The following NTN1 variants were observed in gnomAD, a reference collection of about 807,000 sequenced individuals.
The protein encoded by NTN1 is netrin-1.
In NTN1, 11 loss-of-function variants were observed where a neutral mutation model predicts 54.2. The ratio of observed to expected loss-of-function variants is 0.20; its 90% CI spans 0.13 to 0.34. The LOEUF is 0.34. NTN1 is among the 10% of genes least tolerant of loss of function. The probability of loss-of-function intolerance (pLI) is 1.00; values close to 1 mark genes in which losing one functional copy is unlikely to be tolerated. For synonymous variants in NTN1, 371 were observed against 382.0 expected (o/e 0.97, Z 0.33); for missense variants, 740 against 893.1 (o/e 0.83, Z 2.18).
intron 2 of NTN1, among the ~76,000 whole-genome samples, chr17:9,058,199 A>G (rs1386528098): frequency 6.6e-6 from 1 of 152,060 alleles, no homozygotes; most frequent in African/African-American, 2.4e-5. Flanking sequence ...CTATTTATTT[A>G]TTTTTTATTT....
At chr17:9,090,207 C>T (rs1243623660) in intron 2 of NTN1, among the ~76,000 whole-genome samples, 11 of 149,092 alleles carry the variant, frequency 7.4e-5, no homozygotes, top group Admixed American at 2.0e-4. Context: ...GATGGAGTCT[C>T]ACTCTGTCAC....
intron 2 of NTN1, among the ~76,000 whole-genome samples, chr17:9,156,709 A>G (rs16957962): frequency 0.32 from 49,270 of 152,096 alleles, 8,207 homozygotes; most frequent in East Asian, 0.48. Flanking sequence ...TTCTCTCTAA[A>G]GCACAGCAGT....
chr17:9,081,912 G>T (rs952969560), intron 2 of NTN1, among the ~76,000 whole-genome samples: 5 of 152,168 alleles, frequency 3.3e-5, no homozygotes, highest in African/African-American at 1.2e-4. Flanking sequence ...TTGCTGCAGG[G>T]CCAAGACGTT....
rs908600672 is a variant in NTN1 at position 9,243,805 on chromosome 17, A to C, written c.*3837A>C. ...TTGGGTCAATGTCCCTTTCCAATGCATACTAATATATTATGGTTATTATAT... is the reference window on the plus strand; with the variant it reads ...TTGGGTCAATGTCCCTTTCCAATGCCTACTAATATATTATGGTTATTATAT... On this transcript the variant is annotated 3_prime_UTR_variant, in exon 7 of 7. Coordinates refer to ENST00000173229, the MANE Select transcript of NTN1 (RefSeq NM_004822.3). The C allele has an allele frequency of 1.3e-5, 2 of 150,080 alleles. No individual in the cohort carries two copies. Among genetic ancestry groups the C allele is most frequent in the Non-Finnish European group, 3.0e-5 (2 of 67,790 alleles). 9.3% of individuals were successfully genotyped at this position (150,080 alleles called of 1,614,324 possible).
intron 2 of NTN1, among the ~76,000 whole-genome samples, chr17:9,029,865 G>T (rs2039320389): frequency 6.6e-6 from 1 of 152,052 alleles, no homozygotes; most frequent in Non-Finnish European, 1.5e-5. Context: ...GGTGGCGTGT[G>T]CCTGTAATCC....
At chr17:9,160,847 C>T (rs988302900) in intron 2 of NTN1, among the ~76,000 whole-genome samples, 1 of 152,048 alleles carries the variant, frequency 6.6e-6, no homozygotes, top group Non-Finnish European at 1.5e-5. Flanking sequence ...GTCCCAGCTA[C>T]TTGGGAGGCT....
chr17:9,123,122 C>T (rs1335625802), intron 2 of NTN1, among the ~76,000 whole-genome samples: 2 of 152,212 alleles, frequency 1.3e-5, no homozygotes, highest in Middle Eastern at 3.4e-3. Context: ...GCGTTTGTAT[C>T]TTGCTCTCCC....
At chr17:9,103,084 C>G (rs1199633400) in intron 2 of NTN1, among the ~76,000 whole-genome samples, 2 of 152,118 alleles carry the variant, frequency 1.3e-5, no homozygotes, top group Non-Finnish European at 2.9e-5. Context: ...CGTGAAAATT[C>G]CATGAGCAGT....
At chr17:9,127,591 C>T (rs577163723) in intron 2 of NTN1, among the ~76,000 whole-genome samples, 21 of 152,182 alleles carry the variant, frequency 1.4e-4, no homozygotes, top group African/African-American at 5.1e-4. Context: ...CCCCTGGACA[C>T]ACTCGGTGTC....
Position 9,124,801 on chromosome 17 carries a change from C to T in NTN1, c.1019-38012C>T, listed in dbSNP as rs1597496533. Among the ~76,000 whole-genome samples the T allele has an allele frequency of 2.0e-5, 3 of 152,274 alleles. No homozygotes were observed. The East Asian group carries it at 5.8e-4, about 29-fold the overall frequency. ...CTCCCAAAACCCTGGGACATGACGGCATCGGTTTACACCCCGATCTGCCTC... is the reference window on the plus strand; with the variant it reads ...CTCCCAAAACCCTGGGACATGACGGTATCGGTTTACACCCCGATCTGCCTC... On this transcript the variant is annotated intron_variant, in intron 2 of 6. Coordinates refer to ENST00000173229, the MANE Select transcript of NTN1 (RefSeq NM_004822.3).
intron 5 of NTN1, among the ~76,000 whole-genome samples, chr17:9,184,912 C>CT (rs1293840019): frequency 3.9e-5 from 6 of 152,204 alleles, no homozygotes; most frequent in Non-Finnish European, 5.9e-5. Flanking sequence ...TGGCAGCCTC[C>CT]TTTTTTGAAA....
chr17:9,089,783 A>T (rs545152242), intron 2 of NTN1, among the ~76,000 whole-genome samples: 1 of 152,252 alleles, frequency 6.6e-6, no homozygotes, highest in African/African-American at 2.4e-5. Flanking sequence ...CTTGCCTGTG[A>T]TCATCTTTTT....
At chr17:9,037,173 T>C (rs994159344) in intron 2 of NTN1, among the ~76,000 whole-genome samples, 9 of 152,228 alleles carry the variant, frequency 5.9e-5, no homozygotes, top group African/African-American at 1.9e-4. Context: ...TAGATTTAAT[T>C]TGCCTATTTT....
intron 5 of NTN1, among the ~76,000 whole-genome samples, chr17:9,195,885 T>G (rs1035114340): frequency 1.3e-5 from 2 of 152,032 alleles, no homozygotes; most frequent in African/African-American, 4.8e-5. Context: ...CTTAAAGAAA[T>G]AATAACAACC....
intron 2 of NTN1, among the ~76,000 whole-genome samples, chr17:9,037,948 C>G (rs963195359): frequency 6.6e-6 from 1 of 152,132 alleles, no homozygotes. Flanking sequence ...GTGGTCTGGC[C>G]CCTGCTTCCT....
At chr17:9,091,207 T>C (rs1463992407) in intron 2 of NTN1, among the ~76,000 whole-genome samples, 1 of 152,226 alleles carries the variant, frequency 6.6e-6, no homozygotes, top group African/African-American at 2.4e-5. Flanking sequence ...TTTATTATTA[T>C]TTAATTGTGG....
chr17:9,211,118 C>T lies in NTN1; in HGVS notation c.1412-10050C>T, dbSNP rs1905098745. On this transcript the variant is annotated intron_variant, in intron 5 of 6. Coordinates refer to ENST00000173229, the MANE Select transcript of NTN1 (RefSeq NM_004822.3). The surrounding 1 kb of genome is among the most constrained non-coding windows in gnomAD (Gnocchi z 4.4). ...TCTAGAATAAAATCCAAACCCCTGC[C>T]ATTGTTGAAAAGGCCCTAGGGACTC... Among the ~76,000 whole-genome samples, 1 of 152,132 alleles carries T rather than the reference C, an allele frequency of 6.6e-6. No homozygotes were observed. The highest frequency in any genetic ancestry group is 2.4e-5 in the African/African-American group (1 of 41,426).
chr17:9,112,657 T>G (rs2092196066), intron 2 of NTN1, among the ~76,000 whole-genome samples: 1 of 150,780 alleles, frequency 6.6e-6, no homozygotes, highest in Non-Finnish European at 1.5e-5. Flanking sequence ...AACCCCGTCT[T>G]TACTAAAAAT....
rs397768689 is a variant in NTN1 at position 9,149,252 on chromosome 17, AC to A, written c.1019-13553del. Among the ~76,000 whole-genome samples, 216 of 148,494 alleles carry A rather than the reference AC, an allele frequency of 1.5e-3. 2 individuals are homozygous for A. The East Asian group carries it at 0.036, about 25-fold the overall frequency. ...CTCTAGGGAAAAGAGATTGGAAGGA[AC>A]CCCCCCCACACCCCCACACACACCC... On this transcript the variant is annotated intron_variant, in intron 2 of 6. Transcript: ENST00000173229.
Sources: gnomAD v4.1 joint callset for allele counts (sites outside exome capture counted in the v4.1 genomes callset) on GRCh38, gnomAD v4.1.1 for gene constraint, Gnocchi (gnomAD v3.1) non-coding constraint, MANE v1.5 for transcripts, NCBI Gene and HGNC (gene_info 2026-07-23, HGNC 2026-07-21) for gene names.